Variants in TRIM14 observed in about 807,000 individuals in gnomAD.
TRIM14 encodes the protein tripartite motif-containing protein 14.
A neutral mutation model predicts 44.5 loss-of-function variants in TRIM14; 28 were observed. The observed-to-expected ratio is 0.63, with a 90% CI of 0.47 to 0.86. TRIM14 has a LOEUF of 0.86. Among genes scored for constraint, TRIM14 ranks in the 40% least tolerant of loss-of-function variants. The pLI is 0.00. For synonymous variants in TRIM14, 299 were observed against 269.2 expected (o/e 1.11, Z -1.08); for missense variants, 607 against 611.1 (o/e 0.99, Z 0.07).
At chr9:98,069,063 A>G (rs1829234714), downstream of TRIM14, among the ~76,000 whole-genome samples, 2 of 152,202 alleles carry the variant, frequency 1.3e-5, no homozygotes, top group African/African-American at 2.4e-5. Flanking sequence ...TGTTTATCAT[A>G]TGACCCACCA....
chr9:98,082,764 T>C, downstream of TRIM14: 2 of 1,355,384 alleles, frequency 1.5e-6, no homozygotes, highest in Admixed American at 4.0e-5. Flanking sequence ...GGAAGACTGA[T>C]CAGGGACCTT....
In TRIM14 at chr9:98,087,226, T is replaced by G; in HGVS notation, c.*244A>C. The G allele has an allele frequency of 1.3e-6, 1 of 773,800 alleles. No homozygotes were observed. Among genetic ancestry groups the G allele is most frequent in the East Asian group, 2.5e-5 (1 of 40,434 alleles). 47.9% of individuals were successfully genotyped at this position (773,800 alleles called of 1,614,324 possible). A position where few individuals can be genotyped will look rare whatever the true frequency, so the allele number is the denominator to read the frequency against. ...AACTGGATTAAAGTAGTGTAAGTGA[T>G]GGTGGGGTGAGGGTGCGGAGGTCTG... On this transcript the variant is annotated 3_prime_UTR_variant, in exon 6 of 6. Transcript: ENST00000341469.
At chr9:98,056,773 G>A in the TRIM14 span, 1 of 1,605,118 alleles carries the variant, frequency 6.2e-7, no homozygotes, top group Non-Finnish European at 8.5e-7. Context: ...GCCGGACCCA[G>A]ACTGGTAGTG....
At chr9:98,060,642 G>T in the TRIM14 span, 2 of 821,254 alleles carry the variant, frequency 2.4e-6, no homozygotes, top group Non-Finnish European at 3.9e-6. Flanking sequence ...CTGCACTCCA[G>T]CCTGGGTGAA....
chr9:98,099,375 C>G (rs1822931006), intron 3 of TRIM14, among the ~76,000 whole-genome samples: 1 of 151,426 alleles, frequency 6.6e-6, no homozygotes, highest in African/African-American at 2.4e-5. Flanking sequence ...CTGCTTGAAC[C>G]CAGGAGGCAG....
At chr9:98,105,601 A>C (rs112255170) in intron 2 of TRIM14, among the ~76,000 whole-genome samples, 12 of 152,140 alleles carry the variant, frequency 7.9e-5, no homozygotes, top group Non-Finnish European at 1.2e-4. Context: ...AACAAACAAA[A>C]AAACAAACAA....
the TRIM14 span, among the ~76,000 whole-genome samples, chr9:98,048,963 A>T: frequency 0.34 from 51,091 of 151,098 alleles, 11,484 homozygotes; most frequent in African/African-American, 0.63. Flanking sequence ...GAGGTTGCAG[A>T]GAGCCGAGAT....
In TRIM14 at chr9:98,092,110, C is replaced by G. The variant is rs937101849; in HGVS notation, c.701-109G>C. ...GATTCGCATAATCTCGCCCAAGAGC[C>G]AGGCAGATTTAAGGGATTTATGTGA... On this transcript the variant is annotated intron_variant, in intron 4 of 5. Coordinates refer to ENST00000341469, the MANE Select transcript of TRIM14 (RefSeq NM_014788.4). 7.6e-6 allele frequency: 6 copies of G among 786,146 alleles called. No individual in the cohort carries two copies. The African/African-American group carries it at 1.0e-4, about 14-fold the overall frequency. The allele number at this position is 786,146 out of a possible 1,614,324, so 48.7% of individuals were successfully genotyped here.
Position 98,091,984 on chromosome 9 carries a change from A to C in TRIM14, c.718T>G (p.Ser240Ala). 1.9e-6 allele frequency: 3 copies of C among 1,610,010 alleles called. No individual in the cohort carries two copies. Among genetic ancestry groups the C allele is most frequent in the Non-Finnish European group, 2.5e-6 (3 of 1,177,096 alleles). ...RLKESINCQL[S>A]DPSSTKPGTL... ...CCTGGCTTGGTGCTGGAAGGGTCTG[A>C]GAGCTGGCAGTTTATGCCTGTAAGG... Residue 240 changes from serine to alanine, a missense_variant, in exon 5 of 6, where the codon TCA (serine) becomes GCA (alanine). Around this residue, in one of 3 missense-constraint regions of TRIM14, gnomAD observed 356 missense variants for 323.0 expected, o/e 1.10. Coordinates refer to ENST00000341469, the MANE Select transcript of TRIM14 (RefSeq NM_014788.4).
rs1564172761 is a variant in TRIM14 at position 98,087,913 on chromosome 9, T to TGCCCAGCAGGCC, written c.874_885dup (p.Gly292_Gly295dup). 3 of 1,568,102 alleles carry TGCCCAGCAGGCC rather than the reference T, an allele frequency of 1.9e-6. No homozygotes were observed. Among genetic ancestry groups the TGCCCAGCAGGCC allele is most frequent in the Non-Finnish European group, 2.6e-6 (3 of 1,167,170 alleles). ...CGCAGCACGGGCACGGGCCCCAGGC[T>TGCCCAGCAGGCC]GCCCAGCAGGCCGCAGCGCACCGTC... is the stretch of plus-strand genomic sequence containing the variant. On this transcript the variant is annotated inframe_insertion, in exon 6 of 6. Transcript: ENST00000341469.
At chr9:98,074,343 C>G (rs1231754793) in intron 6 of TRIM14, among the ~76,000 whole-genome samples, 1 of 152,022 alleles carries the variant, frequency 6.6e-6, no homozygotes, top group African/African-American at 2.4e-5. Flanking sequence ...CTGAGGCTGC[C>G]GGGCTGCATG....
intron 1 of TRIM14, among the ~76,000 whole-genome samples, chr9:98,117,590 C>T (rs764424393): frequency 9.9e-5 from 15 of 152,128 alleles, no homozygotes; most frequent in Non-Finnish European, 1.6e-4. Flanking sequence ...CCACTGTGCC[C>T]GACTGCTTAT....
At chr9:98,109,190 A>T (rs536669872) in intron 2 of TRIM14, among the ~76,000 whole-genome samples, 1 of 152,218 alleles carries the variant, frequency 6.6e-6, no homozygotes, top group East Asian at 1.9e-4. Context: ...GGCAGGCCCC[A>T]GGAGGGCCTC....
At chr9:98,094,468 T>C (rs1024838253) in intron 4 of TRIM14, among the ~76,000 whole-genome samples, 2 of 152,110 alleles carry the variant, frequency 1.3e-5, no homozygotes, top group African/African-American at 4.8e-5. Context: ...GAGTCAGGGC[T>C]GGGCTGGCAG....
chr9:98,062,754 T>C, the TRIM14 span, among the ~76,000 whole-genome samples: 1 of 151,184 alleles, frequency 6.6e-6, no homozygotes, highest in African/African-American at 2.4e-5. Flanking sequence ...ATTCCTCTAC[T>C]TTTGGATACG....
chr9:98,056,955 CCCGGGACCCGGGATTCG>C, the TRIM14 span: 2 of 1,562,924 alleles, frequency 1.3e-6, no homozygotes, highest in Non-Finnish European at 1.7e-6. Flanking sequence ...GGCGGCAGCT[CCCGGGACCCGGGATTCG>C]GGCGCCGGGA....
the TRIM14 span, among the ~76,000 whole-genome samples, chr9:98,046,832 A>C: frequency 4.6e-5 from 7 of 152,236 alleles, no homozygotes; most frequent in African/African-American, 7.2e-5. Context: ...TGATTAAAAA[A>C]AATTAAATCT....
the TRIM14 span, among the ~76,000 whole-genome samples, chr9:98,042,046 G>A: frequency 1.3e-5 from 2 of 151,798 alleles, no homozygotes; most frequent in African/African-American, 4.8e-5. Flanking sequence ...TCTAATCCCA[G>A]CACTTTGGGA....
intron 4 of TRIM14, chr9:98,092,522 C>T (rs754571241): frequency 2.3e-6 from 1 of 431,714 alleles, no homozygotes; most frequent in Admixed American, 2.5e-5. Context: ...CTTCCGCCCC[C>T]ATCACTCCCA....
Sources: gnomAD v4.1 joint callset for allele counts (sites outside exome capture counted in the v4.1 genomes callset) on GRCh38, gnomAD v4.1.1 for gene constraint, gnomAD v4.1.1 regional missense constraint, MANE v1.5 for transcripts, NCBI Gene and HGNC (gene_info 2026-07-23, HGNC 2026-07-21) for gene names.